LMNTD1: variants seen among roughly 807,000 people sequenced by gnomAD.
The protein encoded by LMNTD1 is lamin tail domain containing 1.
Under a neutral mutation model 50.9 loss-of-function variants are expected in LMNTD1, and 35 were observed. The ratio of observed to expected loss-of-function variants is 0.69; its 90% CI spans 0.53 to 0.91. The LOEUF (loss-of-function observed/expected upper bound fraction) is 0.91, where lower values mean the gene tolerates loss of function less well. Ranked by LOEUF, LMNTD1 falls within the 40% of genes least tolerant of loss-of-function variation. LMNTD1 has a pLI of 0.00. For synonymous variants in LMNTD1, 153 were observed against 161.9 expected (o/e 0.94, Z 0.42); for missense variants, 470 against 475.5 (o/e 0.99, Z 0.11).
chr12:25,539,343 A>G (rs1942874030), intron 4 of LMNTD1, among the ~76,000 whole-genome samples: 1 of 152,202 alleles, frequency 6.6e-6, no homozygotes, highest in African/African-American at 2.4e-5. Flanking sequence ...TCCTCAGGAA[A>G]TGTAAAAGAA....
chr12:25,535,900 A>T (rs1363249651), intron 4 of LMNTD1, among the ~76,000 whole-genome samples: 1 of 152,192 alleles, frequency 6.6e-6, no homozygotes, highest in East Asian at 1.9e-4. Flanking sequence ...TACCATGCTA[A>T]CACCAGTAAA....
chr12:25,526,335 A>G (rs1168939324), intron 5 of LMNTD1, 117 bp from the exon 6 acceptor site: 4 of 962,134 alleles, frequency 4.2e-6, no homozygotes, highest in East Asian at 2.6e-5. Context: ...TATAATGACT[A>G]TATCATATAC....
chr12:25,482,874 G>T (rs986003092), intron 9 of LMNTD1, among the ~76,000 whole-genome samples: 1 of 151,884 alleles, frequency 6.6e-6, no homozygotes, highest in Non-Finnish European at 1.5e-5. Flanking sequence ...CTGTGTTCAC[G>T]GAAAAGAATG....
chr12:25,500,381 G>A (rs1005348776), intron 9 of LMNTD1, among the ~76,000 whole-genome samples: 33 of 152,086 alleles, frequency 2.2e-4, no homozygotes, highest in African/African-American at 7.5e-4. Flanking sequence ...AACACTCCTT[G>A]GAGGGCTAGA....
At chr12:25,603,424 C>A (rs1011417606) in intron 1 of LMNTD1, among the ~76,000 whole-genome samples, 2 of 151,946 alleles carry the variant, frequency 1.3e-5, no homozygotes, top group Non-Finnish European at 1.5e-5. Flanking sequence ...TAAACACTTT[C>A]TTACAGAACC....
chr12:25,519,587 CA>C (rs58304861), intron 7 of LMNTD1, among the ~76,000 whole-genome samples: 26 of 94,710 alleles, frequency 2.7e-4, no homozygotes, highest in South Asian at 1.3e-3. Context: ...GACTCTGTCT[CA>C]AAAAAAAAAA....
chr12:25,610,316 T>C (rs191133991), intron 1 of LMNTD1, among the ~76,000 whole-genome samples: 2 of 152,276 alleles, frequency 1.3e-5, no homozygotes, highest in Admixed American at 1.3e-4. Context: ...TATCCCGTCC[T>C]GCTTCAGCTT....
intron 1 of LMNTD1, among the ~76,000 whole-genome samples, chr12:25,564,873 T>C (rs1425149576): frequency 2.6e-5 from 4 of 152,208 alleles, no homozygotes; most frequent in African/African-American, 9.6e-5. Context: ...TCTCTTTATC[T>C]CTAATAATAT....
At chr12:25,606,747 A>G (rs1465778212) in intron 1 of LMNTD1, among the ~76,000 whole-genome samples, 1 of 152,198 alleles carries the variant, frequency 6.6e-6, no homozygotes, top group Non-Finnish European at 1.5e-5. Context: ...TATTTTATTG[A>G]GGATTTTTGC....
At chr12:25,624,746 T>C (rs967843505) in intron 1 of LMNTD1, among the ~76,000 whole-genome samples, 1 of 152,238 alleles carries the variant, frequency 6.6e-6, no homozygotes, top group Non-Finnish European at 1.5e-5. Context: ...CATTATTTAG[T>C]TGTGTACTCA....
chr12:25,530,290 G>C (rs1409597631), intron 4 of LMNTD1, among the ~76,000 whole-genome samples: 1 of 151,864 alleles, frequency 6.6e-6, no homozygotes, highest in South Asian at 2.1e-4. Flanking sequence ...TGTTTCTTAT[G>C]GTATAGTTTA....
At chr12:25,600,085 G>A (rs1428247041) in intron 1 of LMNTD1, among the ~76,000 whole-genome samples, 2 of 152,030 alleles carry the variant, frequency 1.3e-5, no homozygotes, top group African/African-American at 4.8e-5. Flanking sequence ...GCATGGTACT[G>A]GCATAAAAAC....
At chr12:25,526,246 C>T (rs1232981478) in intron 5 of LMNTD1, 28 bp from the exon 6 acceptor site, 15 of 1,599,202 alleles carry the variant, frequency 9.4e-6, no homozygotes, top group African/African-American at 1.3e-5. Context: ...ATGACAAATG[C>T]CACTGGAGTT....
intron 9 of LMNTD1, among the ~76,000 whole-genome samples, chr12:25,489,490 G>A (rs969851906): frequency 4.2e-5 from 6 of 141,966 alleles, no homozygotes; most frequent in East Asian, 2.0e-4. Flanking sequence ...TTTGGCTCGC[G>A]CACGGTGCGC....
chr12:25,488,216 C>G (rs1219037118), intron 9 of LMNTD1, among the ~76,000 whole-genome samples: 2 of 136,862 alleles, frequency 1.5e-5, no homozygotes, highest in African/African-American at 5.2e-5. Flanking sequence ...TGGATAATAT[C>G]CTGCAGAGTG....
chr12:25,580,147 T>C lies in LMNTD1; in HGVS notation c.59-33593A>G, dbSNP rs145467765. ...GTTGTGTCCTCTGCCTAGAATGCCA[T>C]GTCCTCTTTTGTCCAATGGAAAACT... On this transcript the variant is annotated intron_variant, in intron 1 of 7. Coordinates refer to the LMNTD1 transcript ENST00000445693. 6.8e-4 allele frequency among the ~76,000 whole-genome samples: 104 copies of C among 152,344 alleles called. 1 individual carries two copies. The highest frequency in any genetic ancestry group is 2.4e-3 in the African/African-American group (101 of 41,578).
intron 4 of LMNTD1, among the ~76,000 whole-genome samples, chr12:25,533,423 A>T (rs1037570710): frequency 6.6e-6 from 1 of 152,190 alleles, no homozygotes. Flanking sequence ...AAACAAAATT[A>T]CTTTCCATTA....
At chr12:25,583,448 G>A (rs570809570) in intron 1 of LMNTD1, among the ~76,000 whole-genome samples, 1 of 152,200 alleles carries the variant, frequency 6.6e-6, no homozygotes, top group Admixed American at 6.5e-5. Flanking sequence ...GGGATTACCA[G>A]GCAACCACAC....
At chr12:25,500,904 T>C (rs910508048) in intron 9 of LMNTD1, among the ~76,000 whole-genome samples, 2 of 152,168 alleles carry the variant, frequency 1.3e-5, no homozygotes, top group Non-Finnish European at 2.9e-5. Context: ...TCTGAGCACA[T>C]TGCATGCTTT....
Sources: allele counts gnomAD v4.1 joint callset (sites outside exome capture counted in the v4.1 genomes callset), GRCh38; gene constraint gnomAD v4.1.1; transcripts MANE v1.5; gene names NCBI Gene and HGNC (gene_info 2026-07-23, HGNC 2026-07-21).